Variants in RRP15 observed in about 807,000 individuals in gnomAD.
RRP15 encodes ribosomal RNA processing 15 homolog.
RRP15 carries 18 observed loss-of-function variants against 27.1 expected under a neutral mutation model. The ratio of observed to expected loss-of-function variants is 0.66; its 90% CI spans 0.46 to 0.98. RRP15 has a LOEUF of 0.98. Among genes scored for constraint, RRP15 ranks in the 50% least tolerant of loss-of-function variants. RRP15 has a pLI of 0.00. For missense variants in RRP15, 359 were observed against 337.8 expected (o/e 1.06, Z -0.49); for synonymous variants, 107 against 109.4 (o/e 0.98, Z 0.14).
At position 218,323,871 on chromosome 1, in the gene RRP15, G is replaced by T. The variant is rs535926474; in HGVS notation, c.706-7077G>T. On this transcript the variant is annotated intron_variant, in intron 4 of 4. Coordinates refer to ENST00000366932, the MANE Select transcript of RRP15 (RefSeq NM_016052.4). ...CAACCTTGCTCTGAGATCAGAGCGGGCACTGGGAGCGGGGAGAAACCGGGC... is the reference window on the plus strand; with the variant it reads ...CAACCTTGCTCTGAGATCAGAGCGGTCACTGGGAGCGGGGAGAAACCGGGC... Among the ~76,000 whole-genome samples, 207 of 152,334 alleles carry T rather than the reference G, an allele frequency of 1.4e-3. 3 individuals are homozygous for T. Among genetic ancestry groups the T allele is most frequent in the Admixed American group, 6.8e-3 (104 of 15,308 alleles).
chr1:218,285,664 C>T (rs1655534164), intron 1 of RRP15, among the ~76,000 whole-genome samples: 1 of 151,962 alleles, frequency 6.6e-6, no homozygotes, highest in Non-Finnish European at 1.5e-5. Context: ...TTTCCACATT[C>T]TTTTACTAGG....
chr1:218,302,284 G>T lies in RRP15; in HGVS notation c.140-10G>T. ...AAAGTTTAATTTGCCTTTACTCTTTGGTTCTATAGGAAGCTGTGGATCGGA... is the reference window on the plus strand; with the variant it reads ...AAAGTTTAATTTGCCTTTACTCTTTTGTTCTATAGGAAGCTGTGGATCGGA... On this transcript the variant is annotated splice_polypyrimidine_tract_variant and intron_variant, in intron 1 of 4. Coordinates refer to ENST00000366932, the MANE Select transcript of RRP15 (RefSeq NM_016052.4). The T allele has an allele frequency of 1.9e-6, 3 of 1,602,978 alleles. No individual in the cohort carries two copies.
chr1:218,322,439 A>C (rs1656200585), intron 4 of RRP15, among the ~76,000 whole-genome samples: 1 of 152,056 alleles, frequency 6.6e-6, no homozygotes, highest in Non-Finnish European at 1.5e-5. Context: ...AGGATTTCTT[A>C]GGATATTTTT....
intron 1 of RRP15, among the ~76,000 whole-genome samples, chr1:218,287,207 C>T (rs1655563023): frequency 6.7e-6 from 1 of 149,818 alleles, no homozygotes; most frequent in South Asian, 2.1e-4. Flanking sequence ...TCTCGAACTC[C>T]TAGGTTCAAG....
chr1:218,308,003 T>C (rs1655927662), intron 4 of RRP15, among the ~76,000 whole-genome samples: 1 of 151,760 alleles, frequency 6.6e-6, no homozygotes. Flanking sequence ...ATAAATACTT[T>C]CTATGACCTT....
At position 218,333,929 on chromosome 1, in the gene RRP15, A is replaced by G. The variant is rs1231252660; in HGVS notation, c.*2838A>G. On this transcript the variant is annotated 3_prime_UTR_variant, in exon 5 of 5. Coordinates refer to ENST00000366932, the MANE Select transcript of RRP15 (RefSeq NM_016052.4). ...TAGTAGGTTACTTATCTTCGGTTAG[A>G]AAGAACTATGGAAAATAGGAACCAA... The G allele has an allele frequency of 2.0e-5, 3 of 152,218 alleles. No homozygotes were observed. The highest frequency in any genetic ancestry group is 4.4e-5 in the Non-Finnish European group (3 of 68,024). 9.4% of individuals were successfully genotyped at this position (152,218 alleles called of 1,614,324 possible). A position where few individuals can be genotyped will look rare whatever the true frequency, so the allele number is the denominator to read the frequency against.
intron 4 of RRP15, 72 bp downstream of exon 4, chr1:218,307,704 G>T: frequency 9.9e-7 from 1 of 1,014,164 alleles, no homozygotes; most frequent in Non-Finnish European, 1.5e-6. Context: ...TGGAAAACCA[G>T]ACTATAGAAT....
At chr1:218,286,024 A>G (rs554452433) in intron 1 of RRP15, among the ~76,000 whole-genome samples, 11 of 152,326 alleles carry the variant, frequency 7.2e-5, no homozygotes, top group African/African-American at 2.4e-4. Flanking sequence ...GCTTTCAACC[A>G]TGCTGTGTCT....
At chr1:218,290,983 C>A (rs1260220114) in intron 1 of RRP15, among the ~76,000 whole-genome samples, 1 of 147,852 alleles carries the variant, frequency 6.8e-6, no homozygotes, top group Non-Finnish European at 1.5e-5. Context: ...ATGGAAAAAA[C>A]TAGCTGGATA....
At chr1:218,329,158 T>C (rs1656324988) in intron 4 of RRP15, among the ~76,000 whole-genome samples, 1 of 138,290 alleles carries the variant, frequency 7.2e-6, no homozygotes, top group African/African-American at 2.7e-5. Flanking sequence ...CCCAGCACTT[T>C]GGGAAGCCAA....
chr1:218,316,105 GAAC>G (rs1427715081), intron 4 of RRP15, among the ~76,000 whole-genome samples: 1 of 152,154 alleles, frequency 6.6e-6, no homozygotes, highest in African/African-American at 2.4e-5. Context: ...TTTCTGATTT[GAAC>G]AACAGTTTTA....
intron 1 of RRP15, among the ~76,000 whole-genome samples, chr1:218,293,059 T>C (rs369307397): frequency 2.6e-5 from 4 of 151,818 alleles, no homozygotes; most frequent in African/African-American, 9.7e-5. Flanking sequence ...GGTCTTGGTA[T>C]GTTGCCCATG....
chr1:218,299,776 T>C (rs539501887), intron 1 of RRP15, among the ~76,000 whole-genome samples: 1 of 152,340 alleles, frequency 6.6e-6, no homozygotes, highest in East Asian at 1.9e-4. Flanking sequence ...TGTGTAATGC[T>C]ACTGACTCTG....
Position 218,331,291 on chromosome 1 carries a change from T to C in RRP15, c.*200T>C. ...TTAAACCCTTGTATAATTTTAAGCA[T>C]TGTTCCTCAGAACATTTGTAAAAGG... On this transcript the variant is annotated 3_prime_UTR_variant, in exon 5 of 5. Coordinates refer to ENST00000366932, the MANE Select transcript of RRP15 (RefSeq NM_016052.4). 1 of 424,786 alleles carries C rather than the reference T, an allele frequency of 2.4e-6. No individual in the cohort carries two copies. The highest frequency in any genetic ancestry group is 4.1e-6 in the Non-Finnish European group (1 of 243,350). The allele number at this position is 424,786 out of a possible 1,614,324, so 26.3% of individuals were successfully genotyped here. A position where few individuals can be genotyped will look rare whatever the true frequency, so the allele number is the denominator to read the frequency against.
chr1:218,305,011 CA>C lies in RRP15; in HGVS notation c.406-15del. On this transcript the variant is annotated splice_polypyrimidine_tract_variant and intron_variant, in intron 2 of 4. Transcript: ENST00000366932. The stretch of plus-strand genomic sequence containing the variant: ...AAATATCTAATATTCTTTCACATAA[CA>C]ATATTTATAACGCAGCGTGATAAGA... The C allele has an allele frequency of 6.3e-7, 1 of 1,595,088 alleles. No homozygotes were observed. The highest frequency in any genetic ancestry group is 8.6e-7 in the Non-Finnish European group (1 of 1,163,614).
intron 1 of RRP15, among the ~76,000 whole-genome samples, chr1:218,294,627 A>G (rs951464816): frequency 3.3e-5 from 5 of 151,788 alleles, no homozygotes; most frequent in African/African-American, 1.2e-4. Context: ...GAGTTCGGCT[A>G]TCCAGAAGCT....
At chr1:218,309,216 C>A (rs962696646) in intron 4 of RRP15, among the ~76,000 whole-genome samples, 1 of 152,086 alleles carries the variant, frequency 6.6e-6, no homozygotes, top group East Asian at 1.9e-4. Flanking sequence ...TCTAGAACAC[C>A]CTGCCCCATG....
intron 1 of RRP15, among the ~76,000 whole-genome samples, chr1:218,294,104 C>T (rs986985408): frequency 2.6e-5 from 4 of 152,008 alleles, no homozygotes; most frequent in African/African-American, 9.7e-5. Flanking sequence ...GATATACAGC[C>T]GGTGAATGTG....
chr1:218,303,760 AC>A (rs1655850344), intron 2 of RRP15, among the ~76,000 whole-genome samples: 1 of 152,198 alleles, frequency 6.6e-6, no homozygotes, highest in Non-Finnish European at 1.5e-5. Flanking sequence ...ATGTATTGAT[AC>A]CAGAAGCAAG....
Sources: allele counts gnomAD v4.1 joint callset (sites outside exome capture counted in the v4.1 genomes callset), GRCh38; gene constraint gnomAD v4.1.1; transcripts MANE v1.5; gene names NCBI Gene and HGNC (gene_info 2026-07-23, HGNC 2026-07-21).